The following ALK variants were observed in gnomAD, a reference collection of about 807,000 sequenced individuals.
ALK encodes ALK tyrosine kinase receptor.
Under a neutral mutation model 163.1 loss-of-function variants are expected in ALK, and 74 were observed. The ratio of observed to expected loss-of-function variants is 0.45; its 90% CI spans 0.38 to 0.55. The LOEUF (loss-of-function observed/expected upper bound fraction) is 0.55, where lower values mean the gene tolerates loss of function less well. ALK is among the 20% of genes least tolerant of loss of function. ALK has a pLI of 0.00. For synonymous variants in ALK, 960 were observed against 843.2 expected (o/e 1.14, Z -2.40); for missense variants, 2,063 against 2,105.3 (o/e 0.98, Z 0.39).
chr2:29,463,097 C>T (rs1265854654), intron 4 of ALK, among the ~76,000 whole-genome samples: 1 of 152,110 alleles, frequency 6.6e-6, no homozygotes, highest in Non-Finnish European at 1.5e-5. Context: ...ATAAATCCGA[C>T]CTAAGACTAA....
intron 1 of ALK, among the ~76,000 whole-genome samples, chr2:29,846,770 G>A (rs1258802751): frequency 6.6e-6 from 1 of 152,176 alleles, no homozygotes; most frequent in African/African-American, 2.4e-5. Context: ...CTTGTTGAGT[G>A]TTTACCATGT....
chr2:29,883,881 A>G (rs1558532773), intron 1 of ALK, among the ~76,000 whole-genome samples: 2 of 152,244 alleles, frequency 1.3e-5, no homozygotes, highest in South Asian at 2.1e-4. Context: ...AGAAAAAGTT[A>G]TGTATGTTAT....
intron 1 of ALK, among the ~76,000 whole-genome samples, chr2:29,721,422 C>T (rs747242654): frequency 2.6e-5 from 4 of 152,180 alleles, no homozygotes; most frequent in Admixed American, 6.5e-5. Context: ...AACCTCAAGA[C>T]CCTCAGGATG....
intron 1 of ALK, among the ~76,000 whole-genome samples, chr2:29,788,249 T>C (rs140206805): frequency 2.0e-5 from 3 of 152,270 alleles, no homozygotes; most frequent in East Asian, 3.9e-4. Flanking sequence ...CCTGGCCACA[T>C]AGCCACAGCA....
intron 4 of ALK, among the ~76,000 whole-genome samples, chr2:29,428,987 G>A (rs1670209978): frequency 6.6e-6 from 1 of 152,108 alleles, no homozygotes; most frequent in Admixed American, 6.5e-5. Context: ...CACATCAGTA[G>A]AGTAGAAAAC....
At chr2:29,567,648 C>T (rs978965126) in intron 3 of ALK, among the ~76,000 whole-genome samples, 3 of 152,118 alleles carry the variant, frequency 2.0e-5, no homozygotes, top group African/African-American at 7.2e-5. Context: ...GGTATCATTG[C>T]ACAGACTCCC....
intron 1 of ALK, among the ~76,000 whole-genome samples, chr2:29,880,072 G>T (rs945554771): frequency 3.9e-5 from 6 of 152,232 alleles, no homozygotes; most frequent in Non-Finnish European, 7.3e-5. Flanking sequence ...AGAGGCTGCT[G>T]TCTTGTCAGA....
chr2:29,252,427 A>G (rs981741931), intron 11 of ALK, among the ~76,000 whole-genome samples: 1 of 152,238 alleles, frequency 6.6e-6, no homozygotes, highest in East Asian at 1.9e-4. Flanking sequence ...GGGCATGCAT[A>G]ATTTTGCTAA....
intron 8 of ALK, among the ~76,000 whole-genome samples, chr2:29,299,586 G>A (rs1410537590): frequency 6.6e-6 from 1 of 152,186 alleles, no homozygotes; most frequent in Non-Finnish European, 1.5e-5. Flanking sequence ...ACTGTTAACT[G>A]AAATAATAAT....
At chr2:29,371,551 A>G (rs1051051896) in intron 5 of ALK, among the ~76,000 whole-genome samples, 3 of 152,162 alleles carry the variant, frequency 2.0e-5, no homozygotes, top group Admixed American at 2.0e-4. Flanking sequence ...ACCCTACCCC[A>G]CCAAACAAAC....
At chr2:29,260,324 G>A (rs953056594) in intron 11 of ALK, among the ~76,000 whole-genome samples, 1 of 152,170 alleles carries the variant, frequency 6.6e-6, no homozygotes, top group Admixed American at 6.6e-5. Context: ...CATCCAATAA[G>A]CACGTCTTTC....
At chr2:29,431,130 A>G (rs1474011161) in intron 4 of ALK, among the ~76,000 whole-genome samples, 1 of 152,168 alleles carries the variant, frequency 6.6e-6, no homozygotes, top group Non-Finnish European at 1.5e-5. Context: ...ACAAAGGACA[A>G]CAGTAAGCTA....
chr2:29,898,028 T>C (rs1174691308), intron 1 of ALK, among the ~76,000 whole-genome samples: 1 of 151,856 alleles, frequency 6.6e-6, no homozygotes, highest in Non-Finnish European at 1.5e-5. Context: ...AGTTGGAGGA[T>C]GGAAGGAGTA....
At chr2:29,218,755 G>A (rs1669706432) in intron 23 of ALK, among the ~76,000 whole-genome samples, 1 of 152,232 alleles carries the variant, frequency 6.6e-6, no homozygotes, top group African/African-American at 2.4e-5. Flanking sequence ...CCAGGGCTGT[G>A]CCTCTTCCCA....
intron 5 of ALK, among the ~76,000 whole-genome samples, chr2:29,368,627 A>G (rs896561306): frequency 1.3e-5 from 2 of 152,220 alleles, no homozygotes; most frequent in Non-Finnish European, 2.9e-5. Context: ...GGGAAATTTC[A>G]CTTTCCTTAA....
At chr2:29,492,801 T>C (rs948315105) in intron 4 of ALK, among the ~76,000 whole-genome samples, 1 of 152,210 alleles carries the variant, frequency 6.6e-6, no homozygotes, top group Non-Finnish European at 1.5e-5. Flanking sequence ...TAGACGTAGG[T>C]AACTGTTTTG....
Position 29,703,526 on chromosome 2 carries a change from G to A in ALK, c.788-8512C>T, listed in dbSNP as rs115183677. On this transcript the variant is annotated intron_variant, in intron 2 of 28. Transcript: ENST00000389048. The stretch of plus-strand genomic sequence containing the variant: ...AGAAGCCTCATTTCCCAGAACTGCT[G>A]AAAGGGCTTAAGATGATGAGGCATG... 3.0e-3 allele frequency among the ~76,000 whole-genome samples: 461 copies of A among 152,282 alleles called. 1 individual carries two copies. Among genetic ancestry groups the A allele is most frequent in the Middle Eastern group, 0.017 (5 of 294 alleles).
intron 12 of ALK, among the ~76,000 whole-genome samples, chr2:29,250,498 G>T (rs1664789390): frequency 6.6e-6 from 1 of 152,128 alleles, no homozygotes; most frequent in African/African-American, 2.4e-5. Context: ...GCAGGAGGGG[G>T]TCTTGCAATC....
At chr2:29,331,844 G>A (rs529177701) in intron 5 of ALK, among the ~76,000 whole-genome samples, 5 of 152,224 alleles carry the variant, frequency 3.3e-5, no homozygotes, top group African/African-American at 1.2e-4. Context: ...TCAAGGCACA[G>A]GTATTTAGGA....
Sources: gnomAD v4.1 joint callset for allele counts (sites outside exome capture counted in the v4.1 genomes callset) on GRCh38, gnomAD v4.1.1 for gene constraint, MANE v1.5 for transcripts, NCBI Gene and HGNC (gene_info 2026-07-23, HGNC 2026-07-21) for gene names.